Variants in DGKD observed in about 807,000 individuals in gnomAD.
The protein encoded by DGKD is DAG kinase delta.
A neutral mutation model predicts 154.4 loss-of-function variants in DGKD; 68 were observed. That is an observed-to-expected ratio of 0.44 (90% CI 0.36 to 0.54). The LOEUF is 0.54. Ranked by LOEUF, DGKD falls within the 20% of genes least tolerant of loss-of-function variation. DGKD has a pLI of 0.00. For synonymous variants in DGKD, 693 were observed against 638.0 expected (o/e 1.09, Z -1.30); for missense variants, 1,343 against 1,593.6 (o/e 0.84, Z 2.68).
intron 1 of DGKD, among the ~76,000 whole-genome samples, chr2:233,377,756 A>C (rs549051274): frequency 6.6e-6 from 1 of 152,026 alleles, no homozygotes; most frequent in South Asian, 2.1e-4. Context: ...AGTCGTGTTG[A>C]GTGCCTGTCT....
intron 1 of DGKD, among the ~76,000 whole-genome samples, chr2:233,387,425 C>T (rs964362971): frequency 1.3e-5 from 2 of 152,038 alleles, no homozygotes; most frequent in Admixed American, 6.6e-5. Flanking sequence ...TCATGCTTGT[C>T]GTTTATTCTT....
In DGKD at chr2:233,462,420, G is replaced by C. The variant is rs1392362993; in HGVS notation, c.3054G>C (p.Lys1018Asn). Residue 1018 changes from lysine to asparagine, a missense_variant, in exon 25 of 30, where the codon AAG (lysine) becomes AAC (asparagine). By Grantham distance (94) the Lys-to-Asn change is moderately conservative. Transcript: ENST00000264057. Reference sequence around the variant, plus strand: ...CCCACGCCGTCAATGCCAGCTCCAAGTCCATGGACCGTGTGTATGGCAAGC... The same window carrying C: ...CCCACGCCGTCAATGCCAGCTCCAACTCCATGGACCGTGTGTATGGCAAGC... Reference protein sequence around the residue: ...ELAHAVNASSKSMDRVYGKPR... With the variant: ...ELAHAVNASSNSMDRVYGKPR... The C allele has an allele frequency of 2.5e-6, 4 of 1,602,962 alleles. No individual in the cohort carries two copies. The highest frequency in any genetic ancestry group is 3.4e-6 in the Non-Finnish European group (4 of 1,171,200).
intron 3 of DGKD, among the ~76,000 whole-genome samples, chr2:233,427,427 G>A (rs554697828): frequency 1.4e-5 from 2 of 141,376 alleles, no homozygotes; most frequent in East Asian, 2.2e-4. Context: ...TGCAACCTCC[G>A]CCTCCCAGGT....
rs1043434871 is a variant in DGKD at position 233,437,286 on chromosome 2, G to A, written c.820-91G>A. 1.5e-5 allele frequency: 19 copies of A among 1,226,426 alleles called. No individual in the cohort carries two copies. The African/African-American group carries it at 2.1e-4, about 13-fold the overall frequency. The allele number at this position is 1,226,426 out of a possible 1,614,324, so 76.0% of individuals were successfully genotyped here. A position where few individuals can be genotyped will look rare whatever the true frequency, so the allele number is the denominator to read the frequency against. On this transcript the variant is annotated intron_variant, in intron 7 of 29. Transcript: ENST00000264057. ...AGCTCTGAAATCACCTGCCTCCCCC[G>A]AGGCCAGCTCATCAGCTACAGGGCA...
Position 233,440,779 on chromosome 2 carries a change from G to A in DGKD, c.1086-1108G>A, listed in dbSNP as rs957027159. On this transcript the variant is annotated intron_variant, in intron 9 of 29. Transcript: ENST00000264057. This position sits in a 1 kb window ranked among gnomAD's most constrained non-coding sequence, Gnocchi z 4.9. ...TAAAGCAAGGCCCGTGGCCAGGCTCGTGTTTTAGAAAGGTCTTCCTGGAAC... is the reference window on the plus strand; with the variant it reads ...TAAAGCAAGGCCCGTGGCCAGGCTCATGTTTTAGAAAGGTCTTCCTGGAAC... Among the ~76,000 whole-genome samples, 2 of 152,184 alleles carry A rather than the reference G, an allele frequency of 1.3e-5. No individual in the cohort carries two copies. The highest frequency in any genetic ancestry group is 2.9e-5 in the Non-Finnish European group (2 of 68,036).
At chr2:233,462,621 A>G (rs1360643449) in intron 25 of DGKD, 22 bp from the exon 26 acceptor site, 11 of 1,610,870 alleles carry the variant, frequency 6.8e-6, no homozygotes, top group Non-Finnish European at 8.5e-6. Context: ...GCCCCCATGC[A>G]TATTTGCCTG....
At chr2:233,404,435 T>G (rs1305436697) in intron 3 of DGKD, among the ~76,000 whole-genome samples, 2 of 152,166 alleles carry the variant, frequency 1.3e-5, no homozygotes, top group East Asian at 3.9e-4. Flanking sequence ...CAGGAGAGGG[T>G]GCAGTTTGCC....
At chr2:233,355,525 C>T (rs1701499587) in intron 1 of DGKD, among the ~76,000 whole-genome samples, 1 of 152,240 alleles carries the variant, frequency 6.6e-6, no homozygotes, top group Non-Finnish European at 1.5e-5. Flanking sequence ...CACGGACTTT[C>T]TCCTCCTGCT....
chr2:233,419,964 C>T (rs1449443941), intron 3 of DGKD, among the ~76,000 whole-genome samples: 1 of 152,190 alleles, frequency 6.6e-6, no homozygotes, highest in African/African-American at 2.4e-5. Flanking sequence ...TCCCTTTCCT[C>T]CCTTCATGAA....
At chr2:233,447,536 T>G in intron 12 of DGKD, 1 of 985,330 alleles carries the variant, frequency 1.0e-6, no homozygotes. Flanking sequence ...ATTTTTTTTT[T>G]GAGAGGAAGA....
At chr2:233,377,945 C>G (rs1452144156) in intron 1 of DGKD, among the ~76,000 whole-genome samples, 1 of 152,020 alleles carries the variant, frequency 6.6e-6, no homozygotes, top group Non-Finnish European at 1.5e-5. Context: ...TCTCAAGTAG[C>G]TGGAGCTATA....
At chr2:233,432,082 T>C (rs552609843) in intron 3 of DGKD, among the ~76,000 whole-genome samples, 1 of 152,360 alleles carries the variant, frequency 6.6e-6, no homozygotes, top group South Asian at 2.1e-4. Flanking sequence ...GGAGACAGCC[T>C]ACAGAATGGG....
In DGKD at chr2:233,468,563, T is replaced by C; in HGVS notation, c.3555+10T>C. Reference sequence around the variant, plus strand: ...GCGGAGGGACCTCAAGGTACTTCCATAGGCGTCTCCCTGGAACCTGCACTT... The same window carrying C: ...GCGGAGGGACCTCAAGGTACTTCCACAGGCGTCTCCCTGGAACCTGCACTT... On this transcript the variant is annotated intron_variant, in intron 29 of 29. Coordinates refer to ENST00000264057, the MANE Select transcript of DGKD (RefSeq NM_152879.3). The C allele has an allele frequency of 6.2e-7, 1 of 1,613,380 alleles. No individual in the cohort carries two copies. Among genetic ancestry groups the C allele is most frequent in the Non-Finnish European group, 8.5e-7 (1 of 1,179,902 alleles).
chr2:233,457,000 G>A lies in DGKD; in HGVS notation c.2472+5G>A. On this transcript the variant is annotated splice_donor_5th_base_variant and intron_variant, in intron 20 of 29. Transcript: ENST00000264057. ...GAGCAAAAGGTCTTGCTGGAGGTGA[G>A]TGGGAGGGTCCTTGTCACCTGCAGG... 1 of 1,611,414 alleles carries A rather than the reference G, an allele frequency of 6.2e-7. No homozygotes were observed. Among genetic ancestry groups the A allele is most frequent in the Non-Finnish European group, 8.5e-7 (1 of 1,177,524 alleles).
At chr2:233,358,582 C>T (rs1194724255) in intron 1 of DGKD, among the ~76,000 whole-genome samples, 1 of 152,200 alleles carries the variant, frequency 6.6e-6, no homozygotes, top group Non-Finnish European at 1.5e-5. Flanking sequence ...ACTCCCTCAA[C>T]CATAGGCAAC....
At chr2:233,386,653 T>G (rs1703198839) in intron 1 of DGKD, among the ~76,000 whole-genome samples, 1 of 152,166 alleles carries the variant, frequency 6.6e-6, no homozygotes, top group African/African-American at 2.4e-5. Flanking sequence ...CCTGGCACTC[T>G]TTAATTACTG....
At chr2:233,447,952 C>G in intron 12 of DGKD, 135 bp from the exon 13 acceptor site, 1 of 1,506,474 alleles carries the variant, frequency 6.6e-7, no homozygotes, top group East Asian at 2.4e-5. Flanking sequence ...TTGGCTGGGT[C>G]AGACAGTGTC....
intron 1 of DGKD, among the ~76,000 whole-genome samples, chr2:233,375,814 CTGT>C (rs1388574757): frequency 6.6e-6 from 1 of 152,210 alleles, no homozygotes; most frequent in African/African-American, 2.4e-5. Flanking sequence ...CTTGTTTCAT[CTGT>C]CTCCACCCCC....
At chr2:233,427,737 A>G (rs988446373) in intron 3 of DGKD, among the ~76,000 whole-genome samples, 7 of 152,172 alleles carry the variant, frequency 4.6e-5, no homozygotes, top group African/African-American at 1.2e-4. Flanking sequence ...AATATGAGCC[A>G]TCTTTTAGTC....
Sources: gnomAD v4.1 joint callset for allele counts (sites outside exome capture counted in the v4.1 genomes callset) on GRCh38, gnomAD v4.1.1 for gene constraint, Gnocchi (gnomAD v3.1) non-coding constraint, MANE v1.5 for transcripts, NCBI Gene and HGNC (gene_info 2026-07-23, HGNC 2026-07-21) for gene names.